The following MYO5B variants were observed in gnomAD, a reference collection of about 807,000 sequenced individuals.
MYO5B encodes the protein unconventional myosin-Vb.
A neutral mutation model predicts 229.3 loss-of-function variants in MYO5B; 143 were observed. The observed-to-expected ratio is 0.62, with a 90% confidence interval of 0.54 to 0.72. The LOEUF is 0.72. Among genes scored for constraint, MYO5B ranks in the 30% least tolerant of loss-of-function variants. The pLI is 0.00. For missense variants in MYO5B, 2,321 were observed against 2,331.0 expected, an observed-to-expected ratio of 1.00 and a Z score of 0.09; for synonymous variants, 918 against 885.2, an observed-to-expected ratio of 1.04 and a Z score of -0.66.
At chr18:50,182,728 CA>C (rs1433261862) in intron 1 of MYO5B, among the ~76,000 whole-genome samples, 1 of 152,182 alleles carries the variant, frequency 6.6e-6, no homozygotes, top group African/African-American at 2.4e-5. Flanking sequence ...CTGGTTATGC[CA>C]AGCCAAAAGC....
chr18:50,001,542 A>G, intron 4 of MYO5B, 131 bp from the exon 5 acceptor site: 1 of 1,166,136 alleles, frequency 8.6e-7, no homozygotes, highest in Non-Finnish European at 1.3e-6. Flanking sequence ...ACGCAGAGGA[A>G]CAGTGTAAAA....
chr18:49,842,318 G>A (rs1158166988), intron 34 of MYO5B, among the ~76,000 whole-genome samples: 1 of 152,164 alleles, frequency 6.6e-6, no homozygotes, highest in Non-Finnish European at 1.5e-5. Context: ...ATATGTTTTA[G>A]AGCCGTGAGT....
chr18:50,120,963 T>C (rs2032049043), intron 1 of MYO5B, among the ~76,000 whole-genome samples: 1 of 152,134 alleles, frequency 6.6e-6, no homozygotes, highest in Non-Finnish European at 1.5e-5. Context: ...TCTATCCACC[T>C]CCAGCCTGCC....
At chr18:49,917,580 C>T (rs553231125) in intron 17 of MYO5B, among the ~76,000 whole-genome samples, 1 of 152,192 alleles carries the variant, frequency 6.6e-6, no homozygotes, top group South Asian at 2.1e-4. Context: ...CATCGAGACG[C>T]CTTTCCCCAC....
At chr18:49,857,079 AG>A (rs1340285462) in intron 29 of MYO5B, among the ~76,000 whole-genome samples, 189 bp from the exon 30 acceptor site, 2 of 152,208 alleles carry the variant, frequency 1.3e-5, no homozygotes, top group African/African-American at 4.8e-5. Context: ...TAAGTCCTCC[AG>A]TTTCAGGTAC....
intron 26 of MYO5B, among the ~76,000 whole-genome samples, chr18:49,873,958 T>C (rs17727301): frequency 0.24 from 36,623 of 152,070 alleles, 4,541 homozygotes; most frequent in East Asian, 0.42. Context: ...CTCTCTGCAG[T>C]TGAGACCTGA....
chr18:50,051,403 T>C (rs1318456006), intron 2 of MYO5B, among the ~76,000 whole-genome samples: 2 of 152,134 alleles, frequency 1.3e-5, no homozygotes, highest in South Asian at 2.1e-4. Flanking sequence ...AGATAGTAGA[T>C]ACAAACTCAG....
At chr18:49,867,510 G>C (rs920100647) in intron 27 of MYO5B, among the ~76,000 whole-genome samples, 1 of 152,196 alleles carries the variant, frequency 6.6e-6, no homozygotes, top group Admixed American at 6.5e-5. Flanking sequence ...CCTGCACACC[G>C]CATGCTTCCG....
chr18:49,882,340 AC>A (rs1334844248), intron 22 of MYO5B, among the ~76,000 whole-genome samples: 10 of 67,392 alleles, frequency 1.5e-4, no homozygotes, highest in Admixed American at 8.1e-4. Context: ...TAAAATGGAA[AC>A]CCGGCCAGGT....
intron 4 of MYO5B, among the ~76,000 whole-genome samples, chr18:50,003,904 T>C (rs1469853937): frequency 6.6e-6 from 1 of 152,112 alleles, no homozygotes; most frequent in East Asian, 1.9e-4. Flanking sequence ...ATGAATCCCA[T>C]CAGTGGAGGA....
At chr18:49,832,150 A>C (rs1295711568) in intron 39 of MYO5B, among the ~76,000 whole-genome samples, 1 of 152,184 alleles carries the variant, frequency 6.6e-6, no homozygotes, top group East Asian at 1.9e-4. Context: ...TAATATTGTG[A>C]ATATACTTAA....
intron 26 of MYO5B, 102 bp downstream of exon 26, chr18:49,875,585 C>T: frequency 6.6e-7 from 1 of 1,515,004 alleles, no homozygotes; most frequent in Non-Finnish European, 9.1e-7. Context: ...TTAGCAGGAG[C>T]ACAATCCCAT....
chr18:49,953,188 T>C, intron 14 of MYO5B, 72 bp downstream of exon 14: 1 of 1,391,046 alleles, frequency 7.2e-7, no homozygotes, highest in Non-Finnish European at 1.0e-6. Context: ...CCAAGGAGGT[T>C]GCATCACCAC....
At chr18:50,161,634 G>A (rs747837189) in intron 1 of MYO5B, among the ~76,000 whole-genome samples, 15 of 152,226 alleles carry the variant, frequency 9.9e-5, no homozygotes, top group South Asian at 6.2e-4. Context: ...CACTACCTCC[G>A]TCTCCCTCAG....
Position 50,036,921 on chromosome 18 carries a change from A to G in MYO5B, c.384T>C (p.Ser128=), listed in dbSNP as rs1449772946. 1.9e-6 allele frequency: 3 copies of G among 1,614,028 alleles called. No individual in the cohort carries two copies. The highest frequency in any genetic ancestry group is 2.2e-5 in the East Asian group (1 of 44,892). The part of the protein sequence containing the change: ...IYGQDVIYTY[S]GQNMGDMDPH... Reference sequence around the variant, plus strand: ...GGTCCATGTCTCCCATGTTTTGGCCACTGTAGGTATAGATGACATCTTGTC... The same window carrying G: ...GGTCCATGTCTCCCATGTTTTGGCCGCTGTAGGTATAGATGACATCTTGTC... The change falls in exon 4 of 40, where the codon AGT becomes AGC. Residue 128 remains serine (S), a synonymous_variant. Transcript: ENST00000285039.
chr18:50,106,340 A>C (rs1483739254), intron 1 of MYO5B, among the ~76,000 whole-genome samples: 1 of 152,128 alleles, frequency 6.6e-6, no homozygotes, highest in East Asian at 1.9e-4. Flanking sequence ...AAAAATGTAA[A>C]TCAAATAATT....
intron 1 of MYO5B, among the ~76,000 whole-genome samples, chr18:50,184,800 A>G (rs1334813203): frequency 6.6e-6 from 1 of 152,026 alleles, no homozygotes; most frequent in African/African-American, 2.4e-5. Flanking sequence ...GCACTTTGGG[A>G]GGCTGAGGTG....
intron 18 of MYO5B, among the ~76,000 whole-genome samples, chr18:49,907,611 A>G (rs1406678576): frequency 6.6e-6 from 1 of 152,272 alleles, no homozygotes; most frequent in Non-Finnish European, 1.5e-5. Context: ...AAGTCCAAGG[A>G]AAATACACAC....
chr18:50,175,599 G>A (rs2032984297), intron 1 of MYO5B, among the ~76,000 whole-genome samples: 1 of 152,174 alleles, frequency 6.6e-6, no homozygotes, highest in South Asian at 2.1e-4. Context: ...TCCTTTTACT[G>A]TCTATGTGAA....
Sources: allele counts gnomAD v4.1 joint callset (sites outside exome capture counted in the v4.1 genomes callset), GRCh38; gene constraint gnomAD v4.1.1; transcripts MANE v1.5; gene names NCBI Gene and HGNC (gene_info 2026-07-23, HGNC 2026-07-21).